Variants in ABCC11 observed in about 807,000 individuals in gnomAD.
ABCC11 encodes ATP-binding cassette sub-family C member 11.
ABCC11 carries 135 observed loss-of-function variants against 149.3 expected under a neutral mutation model. The observed-to-expected ratio is 0.90, with a 90% CI of 0.79 to 1.04. The LOEUF (loss-of-function observed/expected upper bound fraction) is 1.04, where lower values mean the gene tolerates loss of function less well. ABCC11 is among the 50% of genes least tolerant of loss of function. The pLI is 0.00. For synonymous variants in ABCC11, 665 were observed against 671.4 expected, an observed-to-expected ratio of 0.99 and a Z score of 0.15; for missense variants, 1,680 against 1,722.1, an observed-to-expected ratio of 0.98 and a Z score of 0.43.
intron 1 of ABCC11, among the ~76,000 whole-genome samples, chr16:48,245,588 CTA>C (rs1971325849): frequency 1.3e-5 from 2 of 152,142 alleles, no homozygotes; most frequent in African/African-American, 4.8e-5. Flanking sequence ...ATTGAAAGTC[CTA>C]TGTTTTAGCC....
At chr16:48,203,113 A>G in intron 14 of ABCC11, 115 bp downstream of exon 14, 2 of 1,185,036 alleles carry the variant, frequency 1.7e-6, no homozygotes, top group East Asian at 2.6e-5. Flanking sequence ...TGCAGGAAAA[A>G]CTCCAACTGC....
intron 26 of ABCC11, among the ~76,000 whole-genome samples, chr16:48,172,043 TC>T (rs1965754817): frequency 6.6e-6 from 1 of 152,096 alleles, no homozygotes; most frequent in Non-Finnish European, 1.5e-5. Flanking sequence ...AGTCTCTTCT[TC>T]CCCCTCCCCA....
At chr16:48,209,111 T>TTA (rs1968693743) in intron 11 of ABCC11, among the ~76,000 whole-genome samples, 1 of 152,126 alleles carries the variant, frequency 6.6e-6, no homozygotes, top group Non-Finnish European at 1.5e-5. Context: ...TGAGGCAATT[T>TTA]TAGATGGGTC....
At chr16:48,247,276 G>A (rs191245595) in intron 1 of ABCC11, 38 bp downstream of exon 1, 22 of 151,114 alleles carry the variant, frequency 1.5e-4, no homozygotes, top group East Asian at 9.8e-4. Context: ...CATAGCATTA[G>A]CCTGTTTCCA....
In ABCC11 at chr16:48,184,935, G is replaced by A. The variant is rs539676403; in HGVS notation, c.3072-309C>T. ...TTACCCCAAATTGGCCACAGAGAGT[G>A]AATAAATGCCAGGACGTGTGAGTGA... On this transcript the variant is annotated intron_variant, in intron 22 of 29. Coordinates refer to ENST00000356608, the MANE Select transcript of ABCC11 (RefSeq NM_001370497.1). Among the ~76,000 whole-genome samples, 15 of 152,344 alleles carry A rather than the reference G, an allele frequency of 9.8e-5. No individual in the cohort carries two copies. The South Asian group carries it at 2.9e-3, about 29-fold the overall frequency.
chr16:48,218,542 C>T (rs915937521), intron 6 of ABCC11, among the ~76,000 whole-genome samples: 1 of 152,194 alleles, frequency 6.6e-6, no homozygotes, highest in Non-Finnish European at 1.5e-5. Flanking sequence ...GTCAAAAGTA[C>T]TGTAATTATG....
intron 18 of ABCC11, among the ~76,000 whole-genome samples, chr16:48,195,507 G>A (rs1312193121): frequency 2.0e-5 from 3 of 152,134 alleles, no homozygotes; most frequent in Admixed American, 6.5e-5. Flanking sequence ...CAATGTAAAC[G>A]ATGAGTAAAA....
rs918150252 is a variant in ABCC11, at chr16:48,221,483, C to A, written c.777+1115G>T. On this transcript the variant is annotated intron_variant, in intron 6 of 29. Transcript: ENST00000356608. ...AAGCAAGAGTAAGAATGGACAGTAA[C>A]AATAACCAGGCAGGTGAAAGGATTC... Among the ~76,000 whole-genome samples, 10 of 151,334 alleles carry A rather than the reference C, an allele frequency of 6.6e-5. No homozygotes were observed. The East Asian group carries it at 1.2e-3, about 18-fold the overall frequency.
At chr16:48,190,586 A>G (rs1966870605) in intron 20 of ABCC11, among the ~76,000 whole-genome samples, 3 of 151,990 alleles carry the variant, frequency 2.0e-5, no homozygotes, top group Admixed American at 6.6e-5. Flanking sequence ...CTGGTCTCGA[A>G]CTCCTGAGCT....
chr16:48,227,956 G>A lies in ABCC11; in HGVS notation c.245C>T (p.Ala82Val), dbSNP rs774644423. The A allele has an allele frequency of 4.0e-5, 65 of 1,611,206 alleles. No homozygotes were observed. The highest frequency in any genetic ancestry group is 5.2e-5 in the Non-Finnish European group (61 of 1,178,522). The change falls in exon 4 of 30, where the codon GCC becomes GTC. Residue 82 changes from alanine to valine, a missense_variant. Ala to Val is a moderately conservative substitution (Grantham distance 64, BLOSUM62 0). Coordinates refer to ENST00000356608, the MANE Select transcript of ABCC11 (RefSeq NM_001370497.1). The stretch of plus-strand genomic sequence containing the variant: ...GCCAGCATTGTCCAGGGGCTGGGGG[G>A]CAGGAAACCTAGTAGAGGGGCCACA... ...IPFRPKPRFP[A>V]PQPLDNAGLF...
chr16:48,224,501 C>G, intron 4 of ABCC11, 72 bp from the exon 5 acceptor site: 1 of 1,543,506 alleles, frequency 6.5e-7, no homozygotes, highest in Admixed American at 1.9e-5. Context: ...TTCTTGCTAG[C>G]CAGGAGCTTT....
chr16:48,230,377 G>A, intron 3 of ABCC11, 60 bp downstream of exon 3: 1 of 1,487,786 alleles, frequency 6.7e-7, no homozygotes, highest in Non-Finnish European at 9.0e-7. Flanking sequence ...TAGTTGGGAG[G>A]GTTGGGGATC....
chr16:48,185,177 C>T lies in ABCC11; in HGVS notation c.3072-551G>A, dbSNP rs182560631. Among the ~76,000 whole-genome samples, 40 of 152,222 alleles carry T rather than the reference C, an allele frequency of 2.6e-4. 1 individual carries two copies. Among genetic ancestry groups the T allele is most frequent in the Non-Finnish European group, 4.0e-4 (27 of 67,996 alleles). Reference sequence around the variant, plus strand: ...GCAAGTCCTCCTCCCCAGCCTTTTGCTATGAAAATTTTTATAAGTACCAAG... The same window carrying T: ...GCAAGTCCTCCTCCCCAGCCTTTTGTTATGAAAATTTTTATAAGTACCAAG... On this transcript the variant is annotated intron_variant, in intron 22 of 29. Transcript: ENST00000356608.
intron 6 of ABCC11, among the ~76,000 whole-genome samples, chr16:48,220,630 A>G (rs892597378): frequency 6.6e-6 from 1 of 152,180 alleles, no homozygotes; most frequent in Admixed American, 6.5e-5. Flanking sequence ...CAACAATCCT[A>G]TGAGGTTGGT....
chr16:48,182,065 G>A (rs1401530657), intron 23 of ABCC11, among the ~76,000 whole-genome samples: 4 of 152,166 alleles, frequency 2.6e-5, no homozygotes, highest in South Asian at 2.1e-4. Context: ...GTGCATGTAC[G>A]TGCTTGCTTC....
At chr16:48,171,033 C>T in intron 26 of ABCC11, 66 bp from the exon 27 acceptor site, 1 of 1,318,976 alleles carries the variant, frequency 7.6e-7, no homozygotes, top group South Asian at 1.2e-5. Flanking sequence ...CATTTATATG[C>T]CCAGTGAATG....
intron 2 of ABCC11, 85 bp downstream of exon 2, chr16:48,231,738 G>T: frequency 6.5e-7 from 1 of 1,528,898 alleles, no homozygotes; most frequent in South Asian, 1.3e-5. Flanking sequence ...AGTATGGGAA[G>T]AAATTGTTTG....
intron 14 of ABCC11, 103 bp from the exon 15 acceptor site, chr16:48,200,582 C>A: frequency 1.7e-6 from 2 of 1,163,090 alleles, no homozygotes; most frequent in Middle Eastern, 2.0e-4. Flanking sequence ...TCAGTACAGA[C>A]CAAGATATGC....
chr16:48,239,095 C>A lies in ABCC11; in HGVS notation c.-18-7156G>T, dbSNP rs542517439. On this transcript the variant is annotated intron_variant, in intron 1 of 29. Coordinates refer to ENST00000356608, the MANE Select transcript of ABCC11 (RefSeq NM_001370497.1). ...AAATGTAAAATTACACCTACAACCA[C>A]CTGATCTTCAACAAACTTGACAAAA... Among the ~76,000 whole-genome samples the A allele has an allele frequency of 2.3e-4, 35 of 152,184 alleles. 1 individual carries two copies. The highest frequency in any genetic ancestry group is 1.2e-3 in the South Asian group (6 of 4,826).
Sources: gnomAD v4.1 joint callset for allele counts (sites outside exome capture counted in the v4.1 genomes callset) on GRCh38, gnomAD v4.1.1 for gene constraint, MANE v1.5 for transcripts, NCBI Gene and HGNC (gene_info 2026-07-23, HGNC 2026-07-21) for gene names.